The following VILL variants were observed in gnomAD, a reference collection of about 807,000 sequenced individuals.
The protein encoded by VILL is villin-like protein.
Under a neutral mutation model 106.3 loss-of-function variants are expected in VILL, and 102 were observed. The observed-to-expected ratio is 0.96, with a 90% CI of 0.82 to 1.13. VILL has a LOEUF of 1.13. Ranked by LOEUF, VILL falls within the 50% of genes most tolerant of loss-of-function variation. The pLI is 0.00. For synonymous variants in VILL, 431 were observed against 440.3 expected, an observed-to-expected ratio of 0.98 and a Z score of 0.27; for missense variants, 1,076 against 1,116.6, an observed-to-expected ratio of 0.96 and a Z score of 0.52.
chr3:37,998,466 C>T lies in VILL; in HGVS notation c.942+102C>T, dbSNP rs2125533203. 2 of 1,064,654 alleles carry T rather than the reference C, an allele frequency of 1.9e-6. No individual in the cohort carries two copies. Among genetic ancestry groups the T allele is most frequent in the Non-Finnish European group, 2.8e-6 (2 of 721,530 alleles). The allele number at this position is 1,064,654 out of a possible 1,614,324, so 66.0% of individuals were successfully genotyped here. A position where few individuals can be genotyped will look rare whatever the true frequency, so the allele number is the denominator to read the frequency against. On this transcript the variant is annotated intron_variant, in intron 9 of 19. Coordinates refer to ENST00000383759, the MANE Select transcript of VILL (RefSeq NM_015873.4). This position sits in a 1 kb window ranked among gnomAD's most constrained non-coding sequence, Gnocchi z 4.1. Reference sequence around the variant, plus strand: ...GTCTAAGGGAGGAATCAGCCCTCCCCTAGAGTTTGAGTTGGGAAATCCTAT... The same window carrying T: ...GTCTAAGGGAGGAATCAGCCCTCCCTTAGAGTTTGAGTTGGGAAATCCTAT...
chr3:38,004,376 A>G lies in VILL; in HGVS notation c.1927A>G (p.Met643Val), dbSNP rs762218324. 4 of 1,610,352 alleles carry G rather than the reference A, an allele frequency of 2.5e-6. No homozygotes were observed. In the South Asian group the frequency reaches 3.3e-5, roughly 13 times the overall value. Residue 643 changes from methionine (M) to valine (V), a missense_variant, in exon 16 of 20, where the codon ATG becomes GTG. Transcript: ENST00000383759. Reference protein sequence around the residue: ...SQEDLDKYDIMLLDTWQEIFL... With the variant: ...SQEDLDKYDIVLLDTWQEIFL... ...GGAGGACCTGGACAAGTATGACATC[A>G]TGTTACTGGACACCTGGCAGGAGGT... is the stretch of plus-strand genomic sequence containing the variant.
chr3:37,998,023 T>G lies in VILL; in HGVS notation c.765-67T>G, dbSNP rs1699737092. On this transcript the variant is annotated intron_variant, in intron 7 of 19. Transcript: ENST00000383759. The surrounding 1 kb of genome is among the most constrained non-coding windows in gnomAD (Gnocchi z 4.1). ...TGAGGGACTGGGGTGGGGTCCTAAA[T>G]GGGGCTGGAGTGGAGACAGATCAGG... 6.7e-7 allele frequency: 1 copy of G among 1,488,014 alleles called. No individual in the cohort carries two copies. Among genetic ancestry groups the G allele is most frequent in the African/African-American group, 1.4e-5 (1 of 71,710 alleles). The allele number at this position is 1,488,014 out of a possible 1,614,324, so 92.2% of individuals were successfully genotyped here.
Position 37,997,697 on chromosome 3 carries a change from T to TG in VILL, c.764+16dup. Reference sequence around the variant, plus strand: ...GTTCGCCTGTACCAGTGAGTACCCCTGGGGTGGGCAGGGGTGGGTGGGACA... The same window carrying TG: ...GTTCGCCTGTACCAGTGAGTACCCCTGGGGGTGGGCAGGGGTGGGTGGGACA... On this transcript the variant is annotated intron_variant, in intron 7 of 19. Coordinates refer to ENST00000383759, the MANE Select transcript of VILL (RefSeq NM_015873.4). The surrounding 1 kb of genome is among the most constrained non-coding windows in gnomAD (Gnocchi z 4.7). The TG allele has an allele frequency of 3.0e-6, 2 of 672,548 alleles. No individual in the cohort carries two copies. Among genetic ancestry groups the TG allele is most frequent in the Non-Finnish European group, 2.5e-6 (1 of 393,656 alleles). The allele number at this position is 672,548 out of a possible 1,614,324, so 41.7% of individuals were successfully genotyped here. A position where few individuals can be genotyped will look rare whatever the true frequency, so the allele number is the denominator to read the frequency against.
chr3:38,002,378 G>C lies in VILL; in HGVS notation c.1480-18G>C. 6.3e-7 allele frequency: 1 copy of C among 1,582,926 alleles called. No homozygotes were observed. The highest frequency in any genetic ancestry group is 8.6e-7 in the Non-Finnish European group (1 of 1,161,852). The stretch of plus-strand genomic sequence containing the variant: ...CCCTGGGAGCCCTTGCCCAGCCTGA[G>C]GCCTTGCTCTCCTATAGGAGAGAGC... On this transcript the variant is annotated intron_variant, in intron 13 of 19. Coordinates refer to ENST00000383759, the MANE Select transcript of VILL (RefSeq NM_015873.4).
rs1345909106 is a variant in VILL at position 37,991,713 on chromosome 3, AG to A, written c.-87+886del. Among the ~76,000 whole-genome samples the A allele has an allele frequency of 6.6e-5, 10 of 152,108 alleles. No homozygotes were observed. The East Asian group carries it at 1.9e-3, about 30-fold the overall frequency. On this transcript the variant is annotated intron_variant, in intron 1 of 19. Coordinates refer to ENST00000383759, the MANE Select transcript of VILL (RefSeq NM_015873.4). Reference sequence around the variant, plus strand: ...TAGGAGAAGGGAGAGGACCAGGGATAGGAGGGTTCCCACTTGGGAAGGTGGT... The same window carrying A: ...TAGGAGAAGGGAGAGGACCAGGGATAGAGGGTTCCCACTTGGGAAGGTGGT...
chr3:37,993,444 CAAGTGT>C (rs1699639758), intron 1 of VILL, 137 bp from the exon 2 acceptor site: 1 of 531,510 alleles, frequency 1.9e-6, no homozygotes, highest in Non-Finnish European at 3.3e-6. Context: ...AAAAAATTGT[CAAGTGT>C]TTATGCCTAA....
chr3:37,992,570 A>C (rs1034539142), intron 1 of VILL, among the ~76,000 whole-genome samples: 1 of 152,140 alleles, frequency 6.6e-6, no homozygotes, highest in Non-Finnish European at 1.5e-5. Context: ...GTAAACAACA[A>C]GACAAACCCC....
chr3:38,002,129 T>G, intron 13 of VILL: 3 of 649,852 alleles, frequency 4.6e-6, no homozygotes, highest in Non-Finnish European at 7.8e-6. Flanking sequence ...GTCCCCACTT[T>G]CCACCTCCAA....
Position 37,990,940 on chromosome 3 carries a change from A to C in VILL, c.-87+111A>C, listed in dbSNP as rs1214774351. ...ATAGGGTCCCAGGGCTCAGGGCCACAGAGCCTCCGCGGCAGAATTGGGAGG... is the reference window on the plus strand; with the variant it reads ...ATAGGGTCCCAGGGCTCAGGGCCACCGAGCCTCCGCGGCAGAATTGGGAGG... On this transcript the variant is annotated intron_variant, in intron 1 of 19. Transcript: ENST00000383759. This position sits in a 1 kb window ranked among gnomAD's most constrained non-coding sequence, Gnocchi z 5.1. The C allele has an allele frequency of 6.6e-6, 1 of 152,388 alleles. No individual in the cohort carries two copies. The highest frequency in any genetic ancestry group is 1.5e-5 in the Non-Finnish European group (1 of 68,188). The allele number at this position is 152,388 out of a possible 1,614,324, so 9.4% of individuals were successfully genotyped here. A position where few individuals can be genotyped will look rare whatever the true frequency, so the allele number is the denominator to read the frequency against.
chr3:38,006,884 A>G (rs1053686536), intron 19 of VILL, 58 bp from the exon 20 acceptor site: 23 of 1,545,640 alleles, frequency 1.5e-5, no homozygotes, highest in Non-Finnish European at 2.0e-5. Flanking sequence ...TGAGTGGGGC[A>G]GGATTCTGGG....
Position 37,993,783 on chromosome 3 carries a change from T to C in VILL, c.60+51T>C, listed in dbSNP as rs766554564. 9 of 1,607,698 alleles carry C rather than the reference T, an allele frequency of 5.6e-6. No homozygotes were observed. In the Admixed American group the frequency reaches 8.4e-5, roughly 15 times the overall value. The stretch of plus-strand genomic sequence containing the variant: ...GTTGGTGACATGGAAGAGCGTGGGG[T>C]TTTCCACACTAGGCTTCTCCCGCCC... On this transcript the variant is annotated intron_variant, in intron 2 of 19. Coordinates refer to ENST00000383759, the MANE Select transcript of VILL (RefSeq NM_015873.4).
chr3:37,992,205 C>A (rs1457997357), intron 1 of VILL, among the ~76,000 whole-genome samples: 1 of 152,224 alleles, frequency 6.6e-6, no homozygotes, highest in Non-Finnish European at 1.5e-5. Flanking sequence ...GTCTGCACCT[C>A]TGGTCACTGC....
At chr3:38,001,054 A>G (rs1699804431) in intron 11 of VILL, 1 of 472,466 alleles carries the variant, frequency 2.1e-6, no homozygotes, top group Admixed American at 2.3e-5. Flanking sequence ...TTTCTAAATG[A>G]CACTGGATAA....
Position 37,997,154 on chromosome 3 carries a change from T to C in VILL, c.528T>C (p.Asn176=), listed in dbSNP as rs1297276270. ...TAGGCAAGATGATGATTCAGTGGAA[T>C]GGGCCCAAGACCAGCATTTCTGAGA... The part of the protein sequence containing the change: ...LDLGKMMIQW[N]GPKTSISEKA... The change falls in exon 6 of 20, where the codon AAT becomes AAC. Residue 176 remains asparagine, a synonymous_variant. Transcript: ENST00000383759. This position sits in a 1 kb window ranked among gnomAD's most constrained non-coding sequence, Gnocchi z 4.7. 6 of 1,614,152 alleles carry C rather than the reference T, an allele frequency of 3.7e-6. No homozygotes were observed. In the East Asian group the frequency reaches 1.1e-4, roughly 30 times the overall value.
intron 16 of VILL, among the ~76,000 whole-genome samples, chr3:38,004,822 T>G (rs1351128264): frequency 6.6e-6 from 1 of 150,646 alleles, no homozygotes; most frequent in Non-Finnish European, 1.5e-5. Context: ...GTGTGACACT[T>G]TGTCAGTGAC....
At chr3:38,004,568 G>A (rs1437299080) in intron 16 of VILL, among the ~76,000 whole-genome samples, 169 bp downstream of exon 16, 1 of 152,330 alleles carries the variant, frequency 6.6e-6, no homozygotes, top group East Asian at 1.9e-4. Context: ...ATGGATGAGT[G>A]TGCATCACCA....
rs1391263529 is a variant in VILL at position 37,997,054 on chromosome 3, G to A, written c.451-23G>A. ...GCGGATGCTGGTGGTATGACACTCT[G>A]TCTCTCTCCCTGGCTCTGGCAGGTG... On this transcript the variant is annotated intron_variant, in intron 5 of 19. Transcript: ENST00000383759. The surrounding 1 kb of genome is among the most constrained non-coding windows in gnomAD (Gnocchi z 4.7). 1 of 1,607,586 alleles carries A rather than the reference G, an allele frequency of 6.2e-7. No homozygotes were observed. Among genetic ancestry groups the A allele is most frequent in the Non-Finnish European group, 8.5e-7 (1 of 1,174,378 alleles).
In VILL at chr3:37,997,759, C is replaced by A; in HGVS notation, c.764+74C>A. On this transcript the variant is annotated intron_variant, in intron 7 of 19. Coordinates refer to ENST00000383759, the MANE Select transcript of VILL (RefSeq NM_015873.4). This position sits in a 1 kb window ranked among gnomAD's most constrained non-coding sequence, Gnocchi z 4.7. Reference sequence around the variant, plus strand: ...TGTGTCCATCACTACTGCAATAACACGGCATCTCTAGAAGGCCCTCCAGCA... The same window carrying A: ...TGTGTCCATCACTACTGCAATAACAAGGCATCTCTAGAAGGCCCTCCAGCA... The A allele has an allele frequency of 6.7e-7, 1 of 1,487,176 alleles. No homozygotes were observed. Among genetic ancestry groups the A allele is most frequent in the Non-Finnish European group, 9.1e-7 (1 of 1,103,210 alleles). 92.1% of individuals were successfully genotyped at this position (1,487,176 alleles called of 1,614,324 possible).
At chr3:37,992,457 C>T (rs141667883) in intron 1 of VILL, among the ~76,000 whole-genome samples, 12 of 152,288 alleles carry the variant, frequency 7.9e-5, no homozygotes, top group African/African-American at 2.9e-4. Context: ...CGGCTCCCTT[C>T]TCTATTCATT....
Sources: gnomAD v4.1 joint callset for allele counts (sites outside exome capture counted in the v4.1 genomes callset) on GRCh38, gnomAD v4.1.1 for gene constraint, Gnocchi (gnomAD v3.1) non-coding constraint, MANE v1.5 for transcripts, NCBI Gene and HGNC (gene_info 2026-07-23, HGNC 2026-07-21) for gene names.